Variants in CRTAC1 observed in about 807,000 individuals in gnomAD.
CRTAC1 encodes cartilage acidic protein 1, also known as acidic secreted protein in cartilage.
A neutral mutation model predicts 67.8 loss-of-function variants in CRTAC1; 37 were observed. That is an observed-to-expected ratio of 0.55 (90% CI 0.42 to 0.72). The LOEUF is 0.72. CRTAC1 is among the 30% of genes least tolerant of loss of function. The probability of loss-of-function intolerance (pLI) is 0.00; values close to 1 mark genes in which losing one functional copy is unlikely to be tolerated. For synonymous variants in CRTAC1, 348 were observed against 371.0 expected (o/e 0.94, Z 0.71); for missense variants, 780 against 931.6 (o/e 0.84, Z 2.12).
intron 5 of CRTAC1, among the ~76,000 whole-genome samples, chr10:97,911,786 C>T (rs1038847388): frequency 2.0e-5 from 3 of 152,240 alleles, no homozygotes; most frequent in Non-Finnish European, 4.4e-5. Context: ...TTCCCCTCCT[C>T]TCCTCTCTCC....
chr10:97,914,929 A>C (rs1164742451), intron 5 of CRTAC1, among the ~76,000 whole-genome samples: 1 of 151,790 alleles, frequency 6.6e-6, no homozygotes, highest in Non-Finnish European at 1.5e-5. Context: ...GGTGGCCACT[A>C]GATGGCACTG....
At chr10:97,982,538 G>A (rs1443559919) in intron 2 of CRTAC1, among the ~76,000 whole-genome samples, 4 of 152,108 alleles carry the variant, frequency 2.6e-5, no homozygotes, top group Non-Finnish European at 4.4e-5. Context: ...TCACACAACT[G>A]TCAACATCAT....
At chr10:98,015,231 G>A (rs57475748) in intron 1 of CRTAC1, among the ~76,000 whole-genome samples, 5,698 of 152,290 alleles carry the variant, frequency 0.037, 347 homozygotes, top group African/African-American at 0.13. Context: ...ATTATGCTAA[G>A]TGAAATAAGC....
At chr10:97,969,097 T>C (rs965919075) in intron 2 of CRTAC1, among the ~76,000 whole-genome samples, 1 of 152,168 alleles carries the variant, frequency 6.6e-6, no homozygotes, top group African/African-American at 2.4e-5. Flanking sequence ...AATTATATGG[T>C]CACTCCCTTC....
At position 98,011,341 on chromosome 10, in the gene CRTAC1, A is replaced by G. The variant is rs1214752349; in HGVS notation, c.25-4T>C. 1 of 1,613,530 alleles carries G rather than the reference A, an allele frequency of 6.2e-7. No individual in the cohort carries two copies. Among genetic ancestry groups the G allele is most frequent in the East Asian group, 2.2e-5 (1 of 44,882 alleles). On this transcript the variant is annotated splice_polypyrimidine_tract_variant and splice_region_variant and intron_variant, in intron 1 of 14. Transcript: ENST00000370597. ...GGAACGGTAACATCCTGGACATCTG[A>G]AACCAAAAGTGACAAATGTTACCGA... is the stretch of plus-strand genomic sequence containing the variant.
chr10:97,890,126 C>T (rs1422566313), intron 11 of CRTAC1, among the ~76,000 whole-genome samples: 7 of 151,964 alleles, frequency 4.6e-5, no homozygotes, highest in East Asian at 1.9e-4. Context: ...CACTCTCACA[C>T]GTGTATGTAA....
intron 2 of CRTAC1, among the ~76,000 whole-genome samples, chr10:97,981,444 C>T (rs1371102776): frequency 1.3e-5 from 2 of 152,190 alleles, no homozygotes; most frequent in East Asian, 3.8e-4. Context: ...AATATTTCTC[C>T]ATGTCCTTAA....
intron 2 of CRTAC1, among the ~76,000 whole-genome samples, chr10:97,994,249 C>T (rs1003595423): frequency 2.0e-5 from 3 of 152,200 alleles, no homozygotes; most frequent in Non-Finnish European, 2.9e-5. Flanking sequence ...AACTCCTTCA[C>T]AAACCTAGGT....
In CRTAC1 at chr10:97,884,296, G is replaced by T. The variant is rs1181678546; in HGVS notation, c.1542C>A (p.Ser514Arg). Residue 514 changes from serine to arginine, a missense_variant, in exon 12 of 15, where the codon AGC becomes AGA. Coordinates refer to ENST00000370597, the MANE Select transcript of CRTAC1 (RefSeq NM_018058.7). ...EVTWPDGKMV[S>R]RNVASGEMNS... ...TCATCTCCCCGCTGGCCACGTTCCG[G>T]CTCACCATCTTGCCATCTGGCCACG... is the stretch of plus-strand genomic sequence containing the variant. 1.9e-6 allele frequency: 3 copies of T among 1,554,450 alleles called. No homozygotes were observed. In the African/African-American group the frequency reaches 4.1e-5, roughly 21 times the overall value.
intron 11 of CRTAC1, among the ~76,000 whole-genome samples, chr10:97,893,926 C>T (rs559792220): frequency 3.9e-5 from 6 of 152,274 alleles, no homozygotes; most frequent in Middle Eastern, 3.4e-3. Context: ...AGTTTTTGCA[C>T]GTATCAATAG....
At chr10:97,964,874 T>A (rs1302490320) in intron 2 of CRTAC1, among the ~76,000 whole-genome samples, 1 of 152,202 alleles carries the variant, frequency 6.6e-6, no homozygotes, top group Admixed American at 6.5e-5. Context: ...GTGGTAAGAC[T>A]AATCTGGTGT....
intron 1 of CRTAC1, among the ~76,000 whole-genome samples, chr10:98,019,677 G>C (rs752314420): frequency 1.3e-5 from 2 of 152,182 alleles, no homozygotes; most frequent in Non-Finnish European, 2.9e-5. Context: ...CCCTGGACCT[G>C]CCTCCCTGCA....
At chr10:97,903,396 T>C (rs1423525826) in intron 7 of CRTAC1, among the ~76,000 whole-genome samples, 1 of 148,058 alleles carries the variant, frequency 6.8e-6, no homozygotes, top group East Asian at 2.0e-4. Context: ...AGAACAAGAG[T>C]AGAATAAAGG....
At chr10:97,964,332 C>T (rs768914611) in intron 2 of CRTAC1, among the ~76,000 whole-genome samples, 1 of 152,196 alleles carries the variant, frequency 6.6e-6, no homozygotes, top group Non-Finnish European at 1.5e-5. Flanking sequence ...TTATTCTGCA[C>T]AGTAATGTTT....
At chr10:97,930,666 C>T (rs1360143483) in intron 3 of CRTAC1, among the ~76,000 whole-genome samples, 1 of 152,110 alleles carries the variant, frequency 6.6e-6, no homozygotes, top group Non-Finnish European at 1.5e-5. Context: ...GGAGGAGCTG[C>T]CCGACCAGGG....
At chr10:98,015,169 TAAAAG>T (rs1349497090) in intron 1 of CRTAC1, among the ~76,000 whole-genome samples, 1 of 152,030 alleles carries the variant, frequency 6.6e-6, no homozygotes, top group East Asian at 1.9e-4. Flanking sequence ...AAAAAATAAA[TAAAAG>T]GAAAGAAATT....
At chr10:97,911,644 G>A (rs1236951289) in intron 5 of CRTAC1, among the ~76,000 whole-genome samples, 3 of 152,186 alleles carry the variant, frequency 2.0e-5, no homozygotes, top group Non-Finnish European at 4.4e-5. Flanking sequence ...ATAGGGAAAC[G>A]ACTCCCAGGT....
At chr10:97,946,869 C>T (rs140902309) in intron 2 of CRTAC1, among the ~76,000 whole-genome samples, 15 of 152,282 alleles carry the variant, frequency 9.9e-5, no homozygotes, top group East Asian at 1.9e-4. Flanking sequence ...GTTCTCGAAA[C>T]GGTCTGGTTC....
At chr10:97,985,630 T>A (rs111337684) in intron 2 of CRTAC1, among the ~76,000 whole-genome samples, 152 of 152,278 alleles carry the variant, frequency 1.0e-3, no homozygotes, top group African/African-American at 3.5e-3. Context: ...CAGCCTTTGG[T>A]CATCCCAGAG....
Sources: gnomAD v4.1 joint callset for allele counts (sites outside exome capture counted in the v4.1 genomes callset) on GRCh38, gnomAD v4.1.1 for gene constraint, MANE v1.5 for transcripts, NCBI Gene and HGNC (gene_info 2026-07-23, HGNC 2026-07-21) for gene names.